Variants in NBEA observed in about 807,000 individuals in gnomAD.
The protein encoded by NBEA is lysosomal-trafficking regulator 2.
A neutral mutation model predicts 343.4 loss-of-function variants in NBEA; 44 were observed. The observed-to-expected ratio is 0.13, with a 90% CI of 0.10 to 0.16. NBEA has a LOEUF of 0.16. Ranked by LOEUF, NBEA falls within the 10% of genes least tolerant of loss-of-function variation. NBEA has a pLI of 1.00. For synonymous variants in NBEA, 1,175 were observed against 1,238.7 expected, an observed-to-expected ratio of 0.95 and a Z score of 1.08; for missense variants, 2,555 against 3,631.3, an observed-to-expected ratio of 0.70 and a Z score of 7.62.
At chr13:35,057,420 T>C (rs1251068791) in intron 7 of NBEA, among the ~76,000 whole-genome samples, 2 of 152,146 alleles carry the variant, frequency 1.3e-5, no homozygotes, top group East Asian at 1.9e-4. Flanking sequence ...TGGCTTTTAA[T>C]TTTTAAAGGT....
chr13:35,246,539 A>G (rs1338765550), intron 34 of NBEA, among the ~76,000 whole-genome samples: 3 of 152,014 alleles, frequency 2.0e-5, no homozygotes, highest in Non-Finnish European at 1.5e-5. Context: ...GCCAAACTGT[A>G]GTGACTCTTT....
chr13:35,298,417 T>G (rs953906996), intron 35 of NBEA, among the ~76,000 whole-genome samples: 3 of 151,598 alleles, frequency 2.0e-5, no homozygotes, highest in Admixed American at 2.0e-4. Flanking sequence ...ACTAATGTTC[T>G]TATACTGGCT....
chr13:35,268,335 G>A (rs1227630056), intron 34 of NBEA, among the ~76,000 whole-genome samples: 1 of 151,940 alleles, frequency 6.6e-6, no homozygotes, highest in East Asian at 1.9e-4. Flanking sequence ...GAATGGTGGT[G>A]GCCAGGGGCT....
At chr13:35,282,508 G>C (rs979060124) in intron 34 of NBEA, among the ~76,000 whole-genome samples, 7 of 152,092 alleles carry the variant, frequency 4.6e-5, no homozygotes, top group Non-Finnish European at 4.4e-5. Context: ...TTGATGCAGA[G>C]GAGTGATACA....
At chr13:35,336,998 C>T (rs1264547536) in intron 36 of NBEA, among the ~76,000 whole-genome samples, 1 of 151,662 alleles carries the variant, frequency 6.6e-6, no homozygotes, top group Non-Finnish European at 1.5e-5. Flanking sequence ...ACAAACATGC[C>T]CATATACCCT....
At chr13:35,228,584 T>C (rs1226311851) in intron 33 of NBEA, among the ~76,000 whole-genome samples, 1 of 152,086 alleles carries the variant, frequency 6.6e-6, no homozygotes, top group Non-Finnish European at 1.5e-5. Context: ...TCATTCCATA[T>C]TCTATGTCCA....
chr13:35,343,058 G>A (rs1848644799), intron 36 of NBEA, among the ~76,000 whole-genome samples: 1 of 151,948 alleles, frequency 6.6e-6, no homozygotes, highest in East Asian at 1.9e-4. Flanking sequence ...TAAAAAGATA[G>A]AAAAATATAT....
chr13:35,527,854 C>T (rs772499298), intron 41 of NBEA, among the ~76,000 whole-genome samples: 1 of 152,196 alleles, frequency 6.6e-6, no homozygotes, highest in South Asian at 2.1e-4. Context: ...CAACTTCATC[C>T]GCACCTTCCG....
chr13:35,363,110 A>C (rs1345497348), intron 38 of NBEA, among the ~76,000 whole-genome samples: 1 of 151,908 alleles, frequency 6.6e-6, no homozygotes, highest in Non-Finnish European at 1.5e-5. Flanking sequence ...CGTTTATTTA[A>C]ATCCAGTTTA....
intron 24 of NBEA, among the ~76,000 whole-genome samples, chr13:35,168,742 AT>A (rs2070235319): frequency 6.6e-6 from 1 of 151,372 alleles, no homozygotes; most frequent in African/African-American, 2.4e-5. Context: ...TATATATATT[AT>A]TTGGGCAGAG....
chr13:35,244,125 C>G (rs570067197), intron 34 of NBEA, among the ~76,000 whole-genome samples: 1 of 151,232 alleles, frequency 6.6e-6, no homozygotes, highest in Non-Finnish European at 1.5e-5. Context: ...GAAATAAAAA[C>G]TAGAAGGAAA....
At chr13:35,362,015 AG>A (rs2152875260) in intron 38 of NBEA, among the ~76,000 whole-genome samples, 1 of 152,076 alleles carries the variant, frequency 6.6e-6, no homozygotes, top group Admixed American at 6.6e-5. Context: ...TACAATTGTA[AG>A]TCAGAATGTG....
intron 45 of NBEA, among the ~76,000 whole-genome samples, chr13:35,582,254 C>T (rs1566359981): frequency 6.6e-6 from 1 of 151,870 alleles, no homozygotes; most frequent in Non-Finnish European, 1.5e-5. Flanking sequence ...CCACTGCACT[C>T]CAGCCTAGGC....
chr13:34,947,755 T>C (rs1300524840), intron 1 of NBEA, among the ~76,000 whole-genome samples: 3 of 152,212 alleles, frequency 2.0e-5, no homozygotes, highest in African/African-American at 7.2e-5. Flanking sequence ...TAGGCAGTAA[T>C]GATTATGGTC....
chr13:35,480,382 C>T (rs2076075175), intron 41 of NBEA, among the ~76,000 whole-genome samples: 1 of 151,954 alleles, frequency 6.6e-6, no homozygotes, highest in Non-Finnish European at 1.5e-5. Context: ...ATTTGAATTG[C>T]ATGTTCACAA....
chr13:35,471,165 C>T (rs1189162713), intron 40 of NBEA, among the ~76,000 whole-genome samples: 1 of 152,208 alleles, frequency 6.6e-6, no homozygotes, highest in East Asian at 1.9e-4. Flanking sequence ...CCAGCCCAGC[C>T]CTCTGTGTTC....
intron 47 of NBEA, among the ~76,000 whole-genome samples, chr13:35,601,266 G>A (rs923906720): frequency 2.0e-5 from 3 of 151,890 alleles, no homozygotes; most frequent in African/African-American, 7.3e-5. Flanking sequence ...TTAGGATATG[G>A]TAAACATAGT....
At chr13:35,096,762 T>G (rs1465140209) in intron 10 of NBEA, among the ~76,000 whole-genome samples, 1 of 151,940 alleles carries the variant, frequency 6.6e-6, no homozygotes, top group Non-Finnish European at 1.5e-5. Context: ...AGGTGTAATA[T>G]AGTACTTAGC....
intron 38 of NBEA, among the ~76,000 whole-genome samples, chr13:35,393,736 G>A (rs1566068951): frequency 6.6e-6 from 1 of 152,064 alleles, no homozygotes; most frequent in African/African-American, 2.4e-5. Flanking sequence ...TACAATTTTA[G>A]TGTATGGTTT....
Sources: allele counts gnomAD v4.1 joint callset (sites outside exome capture counted in the v4.1 genomes callset), GRCh38; gene constraint gnomAD v4.1.1; transcripts MANE v1.5; gene names NCBI Gene and HGNC (gene_info 2026-07-23, HGNC 2026-07-21).